Variants in FAR2 observed in about 807,000 individuals in gnomAD.
FAR2 encodes the protein epididymis secretory protein Li 81.
In FAR2, 19 loss-of-function variants were observed where a neutral mutation model predicts 56.0. The observed-to-expected ratio is 0.34, with a 90% CI of 0.24 to 0.50. The LOEUF is 0.50. Among genes scored for constraint, FAR2 ranks in the 20% least tolerant of loss-of-function variants. FAR2 has a pLI of 0.98. For missense variants in FAR2, 508 were observed against 642.2 expected (o/e 0.79, Z 2.26); for synonymous variants, 219 against 218.8 (o/e 1.00, Z -0.01).
chr12:29,149,679 G>A (rs532221470), intron 1 of FAR2, among the ~76,000 whole-genome samples: 21 of 152,356 alleles, frequency 1.4e-4, no homozygotes, highest in Middle Eastern at 3.4e-3. Flanking sequence ...AAGGTGGGGC[G>A]CGCGGGGGTT....
rs945506222 is a variant in FAR2 at position 29,312,045 on chromosome 12, G to A, written c.955+95G>A. 18 of 828,478 alleles carry A rather than the reference G, an allele frequency of 2.2e-5. No individual in the cohort carries two copies. In the Middle Eastern group the frequency reaches 1.0e-3, roughly 47 times the overall value. 51.3% of individuals were successfully genotyped at this position (828,478 alleles called of 1,614,324 possible). ...TCATGGAGCTTAGAGCTTATATGGG[G>A]AGAAAGACAAAAAGTAAGTAAAGAG... On this transcript the variant is annotated intron_variant, in intron 8 of 11. Coordinates refer to ENST00000536681, the MANE Select transcript of FAR2 (RefSeq NM_001271783.2).
In FAR2 at chr12:29,166,903, A is replaced by C. The variant is rs530196627; in HGVS notation, c.-39+17496A>C. 7.2e-5 allele frequency among the ~76,000 whole-genome samples: 11 copies of C among 152,278 alleles called. No individual in the cohort carries two copies. The East Asian group carries it at 2.1e-3, about 29-fold the overall frequency. ...TCCCCACGATCCCTGCCCCTGATAC[A>C]GATAAACATATGCACTTTCTCATAG... is the stretch of plus-strand genomic sequence containing the variant. On this transcript the variant is annotated intron_variant, in intron 1 of 11. Coordinates refer to ENST00000536681, the MANE Select transcript of FAR2 (RefSeq NM_001271783.2).
At chr12:29,320,653 GAC>G (rs1406304478) in intron 9 of FAR2, among the ~76,000 whole-genome samples, 38 of 152,218 alleles carry the variant, frequency 2.5e-4, no homozygotes, top group African/African-American at 8.9e-4. Context: ...GTAGCTAAAA[GAC>G]CTAGGTTGGG....
chr12:29,282,582 T>A (rs924144869), intron 2 of FAR2, among the ~76,000 whole-genome samples: 2 of 152,112 alleles, frequency 1.3e-5, no homozygotes, highest in African/African-American at 4.8e-5. Flanking sequence ...TAATAAACCA[T>A]GTCAGCTATG....
At chr12:29,310,705 GAATT>G (rs1421100007) in intron 6 of FAR2, among the ~76,000 whole-genome samples, 2 of 152,076 alleles carry the variant, frequency 1.3e-5, no homozygotes, top group Admixed American at 1.3e-4. Context: ...CATGTCTTAT[GAATT>G]AATTTTTAAG....
chr12:29,197,111 A>C (rs1014388192), intron 1 of FAR2, among the ~76,000 whole-genome samples: 4 of 152,204 alleles, frequency 2.6e-5, no homozygotes, highest in Non-Finnish European at 5.9e-5. Context: ...TTTGACCTAT[A>C]ATGTATGAAT....
intron 1 of FAR2, among the ~76,000 whole-genome samples, chr12:29,158,824 T>C (rs1382991007): frequency 2.0e-5 from 3 of 152,224 alleles, no homozygotes; most frequent in Non-Finnish European, 2.9e-5. Flanking sequence ...TTCAATTCTC[T>C]TAAAGAAAAT....
intron 1 of FAR2, among the ~76,000 whole-genome samples, chr12:29,172,626 G>A (rs561919999): frequency 2.0e-5 from 3 of 152,224 alleles, no homozygotes; most frequent in East Asian, 1.9e-4. Context: ...AGGACCCAGG[G>A]CTCACTTTTG....
At chr12:29,266,164 C>G (rs918651315) in intron 1 of FAR2, among the ~76,000 whole-genome samples, 1 of 152,076 alleles carries the variant, frequency 6.6e-6, no homozygotes, top group South Asian at 2.1e-4. Context: ...TAGGTATATA[C>G]CCCGATGAAA....
In FAR2 at chr12:29,334,129, A is replaced by C. The variant is rs1949768415; in HGVS notation, c.*335A>C. On this transcript the variant is annotated 3_prime_UTR_variant, in exon 12 of 12. Coordinates refer to ENST00000536681, the MANE Select transcript of FAR2 (RefSeq NM_001271783.2). The stretch of plus-strand genomic sequence containing the variant: ...TGAGATGATTCATTTAAACTCAGTA[A>C]ATATGGAAAGATGCATGGCAGAAGC... The C allele has an allele frequency of 5.7e-6, 1 of 175,332 alleles. No individual in the cohort carries two copies. The highest frequency in any genetic ancestry group is 2.4e-5 in the African/African-American group (1 of 42,054). 10.9% of individuals were successfully genotyped at this position (175,332 alleles called of 1,614,324 possible). A position where few individuals can be genotyped will look rare whatever the true frequency, so the allele number is the denominator to read the frequency against.
chr12:29,189,685 C>T (rs1356670072), intron 1 of FAR2, among the ~76,000 whole-genome samples: 1 of 152,204 alleles, frequency 6.6e-6, no homozygotes, highest in African/African-American at 2.4e-5. Flanking sequence ...TCTGTATCTA[C>T]ATTAAACTAA....
intron 2 of FAR2, among the ~76,000 whole-genome samples, chr12:29,289,515 C>T (rs369117282): frequency 1.3e-5 from 2 of 152,150 alleles, no homozygotes; most frequent in African/African-American, 4.8e-5. Context: ...AGACCTCTAT[C>T]TCTCTCCATA....
intron 1 of FAR2, among the ~76,000 whole-genome samples, chr12:29,173,665 G>C (rs781504122): frequency 2.6e-5 from 4 of 152,072 alleles, no homozygotes; most frequent in African/African-American, 4.8e-5. Flanking sequence ...CAATAGCTTA[G>C]GATGCATTTC....
intron 4 of FAR2, among the ~76,000 whole-genome samples, chr12:29,298,818 C>G (rs1462158749): frequency 6.6e-6 from 1 of 152,138 alleles, no homozygotes; most frequent in East Asian, 1.9e-4. Flanking sequence ...CCTTTTGATT[C>G]CAGATTGTTT....
At chr12:29,156,411 A>G (rs1163611323) in intron 1 of FAR2, 1 of 152,294 alleles carries the variant, frequency 6.6e-6, no homozygotes, top group East Asian at 1.9e-4. Flanking sequence ...CTAACGCTAC[A>G]TGCCCATGTA....
At chr12:29,264,615 CAAAA>C (rs1382486787) in intron 1 of FAR2, among the ~76,000 whole-genome samples, 2 of 80,820 alleles carry the variant, frequency 2.5e-5, no homozygotes, top group African/African-American at 1.1e-4. Context: ...GATCCTGTCT[CAAAA>C]TAAATAAATA....
chr12:29,224,981 G>A (rs949335932), intron 1 of FAR2, among the ~76,000 whole-genome samples: 5 of 152,170 alleles, frequency 3.3e-5, no homozygotes, highest in South Asian at 2.1e-4. Context: ...CACCTTGGGA[G>A]GCCAAGACAG....
intron 1 of FAR2, among the ~76,000 whole-genome samples, chr12:29,261,632 C>T (rs1478982662): frequency 6.6e-6 from 1 of 152,166 alleles, no homozygotes; most frequent in Non-Finnish European, 1.5e-5. Context: ...AATAATCAAA[C>T]TCCCAAAGGT....
rs181499524 is a variant in FAR2 at position 29,294,415 on chromosome 12, T to C, written c.365+940T>C. 5.0e-4 allele frequency among the ~76,000 whole-genome samples: 76 copies of C among 152,274 alleles called. 1 individual carries two copies. The highest frequency in any genetic ancestry group is 1.7e-3 in the African/African-American group (72 of 41,552). On this transcript the variant is annotated intron_variant, in intron 3 of 11. Coordinates refer to ENST00000536681, the MANE Select transcript of FAR2 (RefSeq NM_001271783.2). ...CAAGTTGGAGTGCAATGGCAGGATC[T>C]TGGCTCACTGCAACCTCCGCCTCCT... is the stretch of plus-strand genomic sequence containing the variant.
Sources: allele counts gnomAD v4.1 joint callset (sites outside exome capture counted in the v4.1 genomes callset), GRCh38; gene constraint gnomAD v4.1.1; transcripts MANE v1.5; gene names NCBI Gene and HGNC (gene_info 2026-07-23, HGNC 2026-07-21).